Variants in TRIM39 observed in about 807,000 individuals in gnomAD.
TRIM39 encodes the protein tripartite motif containing 39, also known as E3 ubiquitin-protein ligase TRIM39.
A neutral mutation model predicts 53.6 loss-of-function variants in TRIM39; 5 were observed. The ratio of observed to expected loss-of-function variants is 0.09; its 90% CI spans 0.05 to 0.20. The LOEUF (loss-of-function observed/expected upper bound fraction) is 0.20, where lower values mean the gene tolerates loss of function less well. Ranked by LOEUF, TRIM39 falls within the 10% of genes least tolerant of loss-of-function variation. The pLI is 1.00. For missense variants in TRIM39, 310 were observed against 621.0 expected, an observed-to-expected ratio of 0.50 and a Z score of 5.32; for synonymous variants, 196 against 237.6, an observed-to-expected ratio of 0.82 and a Z score of 1.61.
In TRIM39 at chr6:30,335,512, G is replaced by A. The variant is rs945765837; in HGVS notation, c.550-233G>A. On this transcript the variant is annotated intron_variant, in intron 4 of 7. Coordinates refer to ENST00000396551, the Ensembl canonical transcript of TRIM39. This position sits in a 1 kb window ranked among gnomAD's most constrained non-coding sequence, Gnocchi z 4.7. ...AATTTTTTGTATTTTTTGTAGAGTT[G>A]GGGTTTCACCATGTTACCTAGGCTG... is the stretch of plus-strand genomic sequence containing the variant. 4.6e-5 allele frequency among the ~76,000 whole-genome samples: 7 copies of A among 151,906 alleles called. No homozygotes were observed. Among genetic ancestry groups the A allele is most frequent in the African/African-American group, 1.7e-4 (7 of 41,274 alleles).
At chr6:30,334,063 G>A (rs1786558199) in intron 4 of TRIM39, among the ~76,000 whole-genome samples, 1 of 152,198 alleles carries the variant, frequency 6.6e-6, no homozygotes, top group Admixed American at 6.5e-5. Flanking sequence ...TTGTTCAGAT[G>A]TACACTGAGA....
chr6:30,339,429 G>A lies in TRIM39; in HGVS notation c.781-479G>A, dbSNP rs542220607. 1.3e-5 allele frequency among the ~76,000 whole-genome samples: 2 copies of A among 152,286 alleles called. No individual in the cohort carries two copies. The highest frequency in any genetic ancestry group is 4.8e-5 in the African/African-American group (2 of 41,568). On this transcript the variant is annotated intron_variant, in intron 5 of 7. Coordinates refer to ENST00000396551, the Ensembl canonical transcript of TRIM39. The surrounding 1 kb of genome is among the most constrained non-coding windows in gnomAD (Gnocchi z 4.2). Reference sequence around the variant, plus strand: ...CTCCCAAAGCGCTCAGATTACAGGCGTGAGCTACTGTGCCCAGCCAGTTAT... The same window carrying A: ...CTCCCAAAGCGCTCAGATTACAGGCATGAGCTACTGTGCCCAGCCAGTTAT...
At chr6:30,329,605 C>T (rs1309150934) in exon 3 of TRIM39, 8 of 1,613,094 alleles carry the variant, frequency 5.0e-6, no homozygotes, top group Middle Eastern at 1.6e-4. Context: ...AGCTCCAGGC[C>T]GTCAAGCGGA....
chr6:30,330,562 G>T (rs959101058), intron 3 of TRIM39, among the ~76,000 whole-genome samples: 1 of 152,150 alleles, frequency 6.6e-6, no homozygotes, highest in African/African-American at 2.4e-5. Context: ...AAGGACAGTT[G>T]GGTGAGCAGA....
intron 4 of TRIM39, among the ~76,000 whole-genome samples, chr6:30,331,589 G>A (rs997927291): frequency 1.4e-4 from 22 of 152,156 alleles, no homozygotes; most frequent in African/African-American, 5.3e-4. Context: ...GGGAAAAGGA[G>A]CTGACCAAGA....
chr6:30,335,599 A>G lies in TRIM39; in HGVS notation c.550-146A>G. The stretch of plus-strand genomic sequence containing the variant: ...CGGCCTCCCAAAGTCCTGGGATTAC[A>G]GTCATGTGTCACCACACCCAGCCTT... On this transcript the variant is annotated intron_variant, in intron 4 of 7. Transcript: ENST00000396551. The surrounding 1 kb of genome is among the most constrained non-coding windows in gnomAD (Gnocchi z 4.7). 1 of 1,112,290 alleles carries G rather than the reference A, an allele frequency of 9.0e-7. No homozygotes were observed. Among genetic ancestry groups the G allele is most frequent in the Non-Finnish European group, 1.3e-6 (1 of 799,764 alleles). 68.9% of individuals were successfully genotyped at this position (1,112,290 alleles called of 1,614,324 possible). A position where few individuals can be genotyped will look rare whatever the true frequency, so the allele number is the denominator to read the frequency against.
chr6:30,337,279 C>T (rs1344113028), intron 5 of TRIM39, among the ~76,000 whole-genome samples: 2 of 152,114 alleles, frequency 1.3e-5, no homozygotes, highest in Non-Finnish European at 2.9e-5. Flanking sequence ...GTGGTGGGCG[C>T]CTGTAATCCC....
intron 4 of TRIM39, among the ~76,000 whole-genome samples, chr6:30,333,013 G>A (rs930125663): frequency 7.2e-5 from 11 of 152,130 alleles, no homozygotes; most frequent in African/African-American, 2.7e-4. Flanking sequence ...ATAAAATGTG[G>A]TATGTAATAT....
Position 30,339,841 on chromosome 6 carries a change from G to A in TRIM39, c.781-67G>A, listed in dbSNP as rs948616939. 1.2e-6 allele frequency: 2 copies of A among 1,608,220 alleles called. No homozygotes were observed. The highest frequency in any genetic ancestry group is 1.7e-5 in the Admixed American group (1 of 59,674). The stretch of plus-strand genomic sequence containing the variant: ...GCTGTGGAACTTTGGGGAGGAGGGG[G>A]AACCTTTTGCCTTCAGGACCACTGA... On this transcript the variant is annotated intron_variant, in intron 5 of 7. Transcript: ENST00000396551. The surrounding 1 kb of genome is among the most constrained non-coding windows in gnomAD (Gnocchi z 4.2).
At chr6:30,340,368 T>C in intron 6 of TRIM39, 137 bp from the exon 7 acceptor site, 1 of 1,612,584 alleles carries the variant, frequency 6.2e-7, no homozygotes, top group African/African-American at 1.3e-5. Flanking sequence ...ACAGGTGAGC[T>C]TTTCAGGGAG....
Position 30,339,155 on chromosome 6 carries a change from C to CT in TRIM39, c.781-741dup, listed in dbSNP as rs1446498086. Among the ~76,000 whole-genome samples, 993 of 145,188 alleles carry CT rather than the reference C, an allele frequency of 6.8e-3. 16 individuals are homozygous for CT. Among genetic ancestry groups the CT allele is most frequent in the African/African-American group, 0.022 (880 of 39,882 alleles). Reference sequence around the variant, plus strand: ...ACAGTTATTAATGTGTTTATTCTTCCTTTTTTTTTTTTCTGAGAGAGTCTT... The same window carrying CT: ...ACAGTTATTAATGTGTTTATTCTTCCTTTTTTTTTTTTTCTGAGAGAGTCTT... On this transcript the variant is annotated intron_variant, in intron 5 of 7. Coordinates refer to ENST00000396551, the Ensembl canonical transcript of TRIM39. This position sits in a 1 kb window ranked among gnomAD's most constrained non-coding sequence, Gnocchi z 4.2.
chr6:30,328,356 T>C (rs1427133423), intron 1 of TRIM39, among the ~76,000 whole-genome samples: 1 of 152,258 alleles, frequency 6.6e-6, no homozygotes, highest in Non-Finnish European at 1.5e-5. Flanking sequence ...TCAGCAGTTC[T>C]GAGTGTCCAG....
chr6:30,335,998 G>T lies in TRIM39; in HGVS notation c.780+23G>T, dbSNP rs764784856. ...AAGGTTCGACCTTTGCCCCTGCATA[G>T]CCCCTCAGGCTGAGTGCAGCGTAGC... On this transcript the variant is annotated intron_variant, in intron 5 of 7. Coordinates refer to ENST00000396551, the Ensembl canonical transcript of TRIM39. This position sits in a 1 kb window ranked among gnomAD's most constrained non-coding sequence, Gnocchi z 4.7. 7 of 1,612,562 alleles carry T rather than the reference G, an allele frequency of 4.3e-6. No homozygotes were observed. Among genetic ancestry groups the T allele is most frequent in the Non-Finnish European group, 5.9e-6 (7 of 1,179,866 alleles).
chr6:30,334,224 T>C (rs1786580003), intron 4 of TRIM39, among the ~76,000 whole-genome samples: 1 of 152,182 alleles, frequency 6.6e-6, no homozygotes, highest in Admixed American at 6.5e-5. Flanking sequence ...CAAGCCTGCC[T>C]TTCATTCCCT....
At chr6:30,327,095 C>A (rs899439397) in intron 1 of TRIM39, 100 bp downstream of exon 1, 2 of 152,164 alleles carry the variant, frequency 1.3e-5, no homozygotes, top group Admixed American at 1.3e-4. Flanking sequence ...TCACCGGCCC[C>A]CCGCACGTAA....
At chr6:30,330,795 G>A in exon 4 of TRIM39, 1 of 1,614,188 alleles carries the variant, frequency 6.2e-7, no homozygotes, top group Non-Finnish European at 8.5e-7. Context: ...AACTGCAGAA[G>A]TGTCTGGAGC....
At chr6:30,329,543 C>T (rs1189710306) in exon 3 of TRIM39, 1 of 1,613,002 alleles carries the variant, frequency 6.2e-7, no homozygotes, top group Non-Finnish European at 8.5e-7. Context: ...ATCCCGCTAC[C>T]GCAGTCTCCG....
Position 30,335,521 on chromosome 6 carries a change from C to G in TRIM39, c.550-224C>G, listed in dbSNP as rs1247483827. 6.6e-6 allele frequency among the ~76,000 whole-genome samples: 1 copy of G among 152,016 alleles called. No individual in the cohort carries two copies. Among genetic ancestry groups the G allele is most frequent in the East Asian group, 1.9e-4 (1 of 5,190 alleles). On this transcript the variant is annotated intron_variant, in intron 4 of 7. Coordinates refer to ENST00000396551, the Ensembl canonical transcript of TRIM39. This position sits in a 1 kb window ranked among gnomAD's most constrained non-coding sequence, Gnocchi z 4.7. ...TATTTTTTGTAGAGTTGGGGTTTCA[C>G]CATGTTACCTAGGCTGGTCTCAAAC...
rs1787277535 is a variant in TRIM39, at chr6:30,339,781, G to T, written c.781-127G>T. On this transcript the variant is annotated intron_variant, in intron 5 of 7. Transcript: ENST00000396551. The surrounding 1 kb of genome is among the most constrained non-coding windows in gnomAD (Gnocchi z 4.2). ...GTCCCGCTGGAGCTCTTCTTGCACT[G>T]TGTGACCCTCAGTTTATCCTATCCC... 1 of 1,325,084 alleles carries T rather than the reference G, an allele frequency of 7.5e-7. No homozygotes were observed. The highest frequency in any genetic ancestry group is 1.5e-5 in the African/African-American group (1 of 68,316). The allele number at this position is 1,325,084 out of a possible 1,614,324, so 82.1% of individuals were successfully genotyped here.
Sources: gnomAD v4.1 joint callset for allele counts (sites outside exome capture counted in the v4.1 genomes callset) on GRCh38, gnomAD v4.1.1 for gene constraint, Gnocchi (gnomAD v3.1) non-coding constraint, MANE v1.5 for transcripts, NCBI Gene and HGNC (gene_info 2026-07-23, HGNC 2026-07-21) for gene names.